IFT140: variants seen among roughly 807,000 people sequenced by gnomAD.
IFT140 encodes the protein intraflagellar transport protein 140 homolog.
In IFT140, 133 loss-of-function variants were observed where a neutral mutation model predicts 164.6. That is an observed-to-expected ratio of 0.81 (90% CI 0.70 to 0.93). The LOEUF is 0.93. IFT140 is among the 40% of genes least tolerant of loss of function. The pLI is 0.00. For missense variants in IFT140, 2,045 were observed against 1,972.3 expected (o/e 1.04, Z -0.70); for synonymous variants, 860 against 817.3 (o/e 1.05, Z -0.89).
rs2030684803 is a variant in IFT140 at position 1,533,185 on chromosome 16, C to T, written c.2400-6389G>A. 1 of 152,532 alleles carries T rather than the reference C, an allele frequency of 6.6e-6. No individual in the cohort carries two copies. The highest frequency in any genetic ancestry group is 2.4e-5 in the African/African-American group (1 of 41,456). 9.4% of individuals were successfully genotyped at this position (152,532 alleles called of 1,614,324 possible). A position where few individuals can be genotyped will look rare whatever the true frequency, so the allele number is the denominator to read the frequency against. ...GGCCCTGCAGGTCTGGGTGAACTTG[C>T]TCCCTCCAGGCACACGGGTCTCTCC... On this transcript the variant is annotated intron_variant, in intron 19 of 30. Transcript: ENST00000426508. This position sits in a 1 kb window ranked among gnomAD's most constrained non-coding sequence, Gnocchi z 4.7.
rs371064856 is a variant in IFT140 at position 1,564,020 on chromosome 16, G to T, written c.2044C>A (p.Gln682Lys). ...ACCGCAGGGCCAGCGCGCCCATCTTGGGGCTGCCCGTTTGCAGACTGAGGC... is the reference window on the plus strand; with the variant it reads ...ACCGCAGGGCCAGCGCGCCCATCTTTGGGCTGCCCGTTTGCAGACTGAGGC... ...SQPQSANGQP[Q>K]DGRAGPAADV... is the part of the protein sequence containing the mutation. Residue 682 changes from glutamine to lysine, a missense_variant, in exon 17 of 31, where the codon CAA becomes AAA. Transcript: ENST00000426508. This position sits in a 1 kb window ranked among gnomAD's most constrained non-coding sequence, Gnocchi z 5.5. 3.8e-5 allele frequency: 61 copies of T among 1,591,098 alleles called. No individual in the cohort carries two copies. The highest frequency in any genetic ancestry group is 5.0e-5 in the Non-Finnish European group (58 of 1,162,696).
intron 19 of IFT140, 31 bp downstream of exon 19, chr16:1,557,904 C>T: frequency 1.2e-6 from 2 of 1,603,272 alleles, no homozygotes; most frequent in Non-Finnish European, 1.7e-6. Flanking sequence ...CACGCGCTAT[C>T]TCCCAACATC....
intron 19 of IFT140, among the ~76,000 whole-genome samples, chr16:1,548,879 C>T (rs967044631): frequency 2.0e-5 from 3 of 152,294 alleles, no homozygotes; most frequent in South Asian, 2.1e-4. Context: ...TCTGCATTTC[C>T]GTGTATTTGT....
intron 19 of IFT140, among the ~76,000 whole-genome samples, chr16:1,528,388 C>T (rs1369337859): frequency 6.6e-6 from 1 of 151,004 alleles, no homozygotes; most frequent in Non-Finnish European, 1.5e-5. Context: ...CGCACGTGTG[C>T]ACACACACGG....
intron 14 of IFT140, among the ~76,000 whole-genome samples, chr16:1,569,158 C>T (rs563180079): frequency 3.9e-4 from 59 of 152,076 alleles, no homozygotes; most frequent in Admixed American, 7.2e-4. Flanking sequence ...GCGCCCGCCA[C>T]CGCGCCCGGC....
intron 2 of IFT140, among the ~76,000 whole-genome samples, chr16:1,608,427 G>A (rs1034248091): frequency 2.0e-5 from 3 of 151,906 alleles, no homozygotes; most frequent in Non-Finnish European, 2.9e-5. Context: ...TTAGGAGTTC[G>A]AGACCAGCCT....
intron 30 of IFT140, among the ~76,000 whole-genome samples, chr16:1,511,637 A>G (rs1409088713): frequency 6.6e-6 from 1 of 151,314 alleles, no homozygotes; most frequent in African/African-American, 2.4e-5. Flanking sequence ...AGCTTGTTGG[A>G]TGGCCCCTCC....
rs548281718 is a variant in IFT140, at chr16:1,587,683, A to G, written c.902+250T>C. ...ACCAGGCAAAGAGATTCCACGGGCA[A>G]ACACCAAGGCAGGGCCACCTGGGGG... is the stretch of plus-strand genomic sequence containing the variant. On this transcript the variant is annotated intron_variant, in intron 8 of 30. Coordinates refer to ENST00000426508, the MANE Select transcript of IFT140 (RefSeq NM_014714.4). Among the ~76,000 whole-genome samples, 18 of 152,326 alleles carry G rather than the reference A, an allele frequency of 1.2e-4. No homozygotes were observed. The East Asian group carries it at 3.5e-3, about 29-fold the overall frequency.
chr16:1,555,114 C>T (rs2032985554), intron 19 of IFT140: 4 of 1,501,350 alleles, frequency 2.7e-6, no homozygotes, highest in Non-Finnish European at 3.6e-6. Context: ...GTCACTTCCC[C>T]TGCTCGTGCA....
intron 26 of IFT140, among the ~76,000 whole-genome samples, chr16:1,521,618 C>T (rs2040529168): frequency 6.6e-6 from 1 of 151,842 alleles, no homozygotes; most frequent in Non-Finnish European, 1.5e-5. Flanking sequence ...GCTCAAACTC[C>T]TGACCTCAGG....
At chr16:1,536,606 T>C (rs1383872785) in intron 19 of IFT140, among the ~76,000 whole-genome samples, 2 of 152,168 alleles carry the variant, frequency 1.3e-5, no homozygotes, top group African/African-American at 4.8e-5. Flanking sequence ...GGGTAACTTT[T>C]CTTTAATTTT....
chr16:1,511,377 G>A (rs1266764689), intron 30 of IFT140, among the ~76,000 whole-genome samples: 1 of 152,248 alleles, frequency 6.6e-6, no homozygotes, highest in African/African-American at 2.4e-5. Flanking sequence ...TCAACAGGAA[G>A]CTTCGGTCAG....
chr16:1,517,935 T>C (rs2040411485), intron 30 of IFT140, among the ~76,000 whole-genome samples: 1 of 152,094 alleles, frequency 6.6e-6, no homozygotes, highest in African/African-American at 2.4e-5. Context: ...CCTCCTGGGC[T>C]CAAGGGATCC....
chr16:1,603,445 T>A (rs1596463469), intron 3 of IFT140, among the ~76,000 whole-genome samples: 1 of 152,180 alleles, frequency 6.6e-6, no homozygotes, highest in South Asian at 2.1e-4. Context: ...GATGTGGTGA[T>A]GTCACTAATG....
Position 1,526,731 on chromosome 16 carries a change from AC to A in IFT140, c.2464del (p.Val822CysfsTer24), listed in dbSNP as rs1469678142. On this transcript the variant is annotated frameshift_variant, in exon 20 of 31. Coordinates refer to ENST00000426508, the MANE Select transcript of IFT140 (RefSeq NM_014714.4). LOFTEE classifies it high-confidence loss of function. ...GGCATGGCCCATGTTCCCCAGGCAC[AC>A]CTTGGCCACGTCCAGCCGCTGGGTC... ...VKTQRLDVAK[V>X]CLGNMGHARG... 1.9e-6 allele frequency: 3 copies of A among 1,609,414 alleles called. No homozygotes were observed. In the African/African-American group the frequency reaches 4.0e-5, roughly 21 times the overall value.
At chr16:1,511,966 G>A (rs1472333154) in intron 30 of IFT140, among the ~76,000 whole-genome samples, 1 of 151,562 alleles carries the variant, frequency 6.6e-6, no homozygotes, top group Non-Finnish European at 1.5e-5. Flanking sequence ...AGCTGACCAG[G>A]GTCGAAGAGG....
At chr16:1,568,088 T>A (rs1343943527) in intron 15 of IFT140, 129 bp downstream of exon 15, 4 of 642,910 alleles carry the variant, frequency 6.2e-6, no homozygotes, top group Admixed American at 4.7e-5. Flanking sequence ...GGAAGGAGAG[T>A]GGGGCTGAAC....
At position 1,526,712 on chromosome 16, in the gene IFT140, GC is replaced by G. The variant is rs1221627009; in HGVS notation, c.2483del (p.Gly828AlafsTer18). On this transcript the variant is annotated frameshift_variant, in exon 20 of 31. Transcript: ENST00000426508. LOFTEE classifies it high-confidence loss of function. ...DVAKVCLGNM[G>X]HARGARALRE... ...GCAGCGCTCGGGCCCCGCGGGCATG[GC>G]CCATGTTCCCCAGGCACACCTTGGC... 2 of 1,607,744 alleles carry G rather than the reference GC, an allele frequency of 1.2e-6. No individual in the cohort carries two copies. The highest frequency in any genetic ancestry group is 1.7e-6 in the Non-Finnish European group (2 of 1,178,358).
chr16:1,548,448 G>A (rs2032355314), intron 19 of IFT140, among the ~76,000 whole-genome samples: 2 of 152,238 alleles, frequency 1.3e-5, no homozygotes, highest in African/African-American at 4.8e-5. Flanking sequence ...TGTCCGGGCG[G>A]CTCACAGGAA....
Sources: gnomAD v4.1 joint callset for allele counts (sites outside exome capture counted in the v4.1 genomes callset) on GRCh38, gnomAD v4.1.1 for gene constraint, Gnocchi (gnomAD v3.1) non-coding constraint, MANE v1.5 for transcripts, NCBI Gene and HGNC (gene_info 2026-07-23, HGNC 2026-07-21) for gene names.